PTPRD: variants seen among roughly 807,000 people sequenced by gnomAD.
The protein encoded by PTPRD is protein tyrosine phosphatase receptor type D, also known as receptor-type tyrosine-protein phosphatase delta.
A neutral mutation model predicts 214.5 loss-of-function variants in PTPRD; 34 were observed. That is an observed-to-expected ratio of 0.16 (90% CI 0.12 to 0.21). The LOEUF (loss-of-function observed/expected upper bound fraction) is 0.21. Among genes scored for constraint, PTPRD ranks in the 10% least tolerant of loss-of-function variants. The probability of loss-of-function intolerance (pLI) is 1.00; values close to 1 mark genes in which losing one functional copy is unlikely to be tolerated. For missense variants in PTPRD, 2,545 were observed against 2,398.7 expected, an observed-to-expected ratio of 1.06 and a Z score of -1.27; for synonymous variants, 1,128 against 845.7, an observed-to-expected ratio of 1.33 and a Z score of -5.79.
chr9:8,357,778 G>A (rs1453843694), intron 39 of PTPRD, among the ~76,000 whole-genome samples: 1 of 152,094 alleles, frequency 6.6e-6, no homozygotes, highest in Admixed American at 6.5e-5. Context: ...ATAATTCTCA[G>A]GGATGCAGCA....
chr9:9,879,790 G>C (rs557145184), intron 5 of PTPRD, among the ~76,000 whole-genome samples: 1 of 152,066 alleles, frequency 6.6e-6, no homozygotes, highest in East Asian at 1.9e-4. Context: ...CTTGCTTCTT[G>C]GTTTTTCTGA....
chr9:10,260,592 T>C (rs191856380), intron 3 of PTPRD, among the ~76,000 whole-genome samples: 2 of 152,308 alleles, frequency 1.3e-5, no homozygotes, highest in African/African-American at 2.4e-5. Context: ...TCCTCAAGAA[T>C]TGAGCTCCTT....
intron 9 of PTPRD, among the ~76,000 whole-genome samples, chr9:9,265,925 C>G (rs1384116824): frequency 2.6e-5 from 4 of 151,408 alleles, no homozygotes; most frequent in Admixed American, 2.6e-4. Flanking sequence ...ATTCTCCAAT[C>G]AAAAGACAGA....
At chr9:9,169,946 G>A (rs959243129) in intron 10 of PTPRD, among the ~76,000 whole-genome samples, 2 of 152,148 alleles carry the variant, frequency 1.3e-5, no homozygotes, top group Non-Finnish European at 2.9e-5. Flanking sequence ...AGATTTGATG[G>A]CTCTGCCATA....
At chr9:8,944,025 T>C (rs549002423) in intron 11 of PTPRD, among the ~76,000 whole-genome samples, 35 of 151,802 alleles carry the variant, frequency 2.3e-4, no homozygotes, top group Middle Eastern at 3.2e-3. Flanking sequence ...ATAACCAGAA[T>C]ATGTAAGGAG....
chr9:8,756,218 C>T (rs1422620737), intron 11 of PTPRD, among the ~76,000 whole-genome samples: 2 of 152,194 alleles, frequency 1.3e-5, no homozygotes, highest in Non-Finnish European at 2.9e-5. Context: ...CACTCCCCTT[C>T]TCTGCCTCTA....
intron 3 of PTPRD, among the ~76,000 whole-genome samples, chr9:10,051,609 C>T (rs145477075): frequency 1.1e-4 from 17 of 151,758 alleles, no homozygotes; most frequent in African/African-American, 3.9e-4. Flanking sequence ...ACTCCCCCCA[C>T]CCCACAACAG....
At chr9:9,263,836 A>C (rs2099981216) in intron 9 of PTPRD, among the ~76,000 whole-genome samples, 1 of 151,618 alleles carries the variant, frequency 6.6e-6, no homozygotes, top group African/African-American at 2.4e-5. Flanking sequence ...GGGTTGAAAA[A>C]CTACCTATTA....
chr9:10,329,877 G>C (rs181875289), intron 3 of PTPRD, among the ~76,000 whole-genome samples: 1 of 151,862 alleles, frequency 6.6e-6, no homozygotes, highest in East Asian at 2.0e-4. Flanking sequence ...GGCATAGTCT[G>C]TCATGTATAA....
At chr9:10,212,525 T>C (rs149327569) in intron 3 of PTPRD, among the ~76,000 whole-genome samples, 1 of 152,294 alleles carries the variant, frequency 6.6e-6, no homozygotes, top group African/African-American at 2.4e-5. Context: ...AGGAGTGTTT[T>C]ACACTGATCA....
At chr9:10,489,777 G>T (rs1002953646) in intron 2 of PTPRD, among the ~76,000 whole-genome samples, 4 of 152,082 alleles carry the variant, frequency 2.6e-5, no homozygotes, top group African/African-American at 9.7e-5. Flanking sequence ...TTTCTGTTAT[G>T]ATAGGGCAGC....
At chr9:9,919,936 C>T (rs981640172) in intron 5 of PTPRD, among the ~76,000 whole-genome samples, 1 of 152,122 alleles carries the variant, frequency 6.6e-6, no homozygotes, top group African/African-American at 2.4e-5. Flanking sequence ...TAATCTGTTA[C>T]ATTTGTAACA....
At chr9:10,604,200 C>T (rs2078717414) in intron 2 of PTPRD, among the ~76,000 whole-genome samples, 1 of 151,224 alleles carries the variant, frequency 6.6e-6, no homozygotes, top group African/African-American at 2.4e-5. Flanking sequence ...TCTGACCTAG[C>T]TTCTTCATCT....
At chr9:10,398,296 G>T (rs576332206) in intron 2 of PTPRD, among the ~76,000 whole-genome samples, 14 of 151,800 alleles carry the variant, frequency 9.2e-5, no homozygotes, top group African/African-American at 2.7e-4. Context: ...GGGAAAAATT[G>T]CTTGAGTCCC....
chr9:10,320,428 A>G (rs1488882663), intron 3 of PTPRD, among the ~76,000 whole-genome samples: 3 of 152,082 alleles, frequency 2.0e-5, no homozygotes, highest in Admixed American at 1.3e-4. Flanking sequence ...CTAAAAAGGT[A>G]GAATAAAGCA....
chr9:8,878,719 A>G (rs980295824), intron 11 of PTPRD, among the ~76,000 whole-genome samples: 1 of 152,002 alleles, frequency 6.6e-6, no homozygotes, highest in African/African-American at 2.4e-5. Flanking sequence ...TTATTTTTAG[A>G]AGAGACGAGG....
At chr9:9,793,004 C>T (rs759263632) in intron 5 of PTPRD, among the ~76,000 whole-genome samples, 2 of 152,006 alleles carry the variant, frequency 1.3e-5, no homozygotes, top group Non-Finnish European at 2.9e-5. Context: ...ATTTAAATGG[C>T]AAAATTGGCC....
intron 10 of PTPRD, among the ~76,000 whole-genome samples, chr9:9,071,944 T>C (rs1316130297): frequency 6.6e-6 from 1 of 152,122 alleles, no homozygotes; most frequent in East Asian, 1.9e-4. Flanking sequence ...CACATAGAAA[T>C]GGTCTGCTGT....
chr9:8,681,041 C>G (rs964725941), intron 12 of PTPRD, among the ~76,000 whole-genome samples: 7 of 152,146 alleles, frequency 4.6e-5, no homozygotes, highest in African/African-American at 7.2e-5. Context: ...TATTCCTCCT[C>G]TCCCTTCCTT....
Sources: allele counts gnomAD v4.1 joint callset (sites outside exome capture counted in the v4.1 genomes callset), GRCh38; gene constraint gnomAD v4.1.1; transcripts MANE v1.5; gene names NCBI Gene and HGNC (gene_info 2026-07-23, HGNC 2026-07-21).